Variants in CD33 observed in about 807,000 individuals in gnomAD.
The protein encoded by CD33 is CD33 molecule.
CD33 carries 25 observed loss-of-function variants against 31.4 expected under a neutral mutation model. The ratio of observed to expected loss-of-function variants is 0.80; its 90% CI spans 0.58 to 1.11. The LOEUF (loss-of-function observed/expected upper bound fraction) is 1.11. CD33 is among the 50% of genes most tolerant of loss of function. CD33 has a pLI of 0.00. For missense variants in CD33, 407 were observed against 448.1 expected (o/e 0.91, Z 0.83); for synonymous variants, 176 against 180.6 (o/e 0.97, Z 0.20).
chr19:51,230,703 G>A (rs1013446231), intron 4 of CD33, among the ~76,000 whole-genome samples: 1 of 152,096 alleles, frequency 6.6e-6, no homozygotes, highest in African/African-American at 2.4e-5. Flanking sequence ...TTCCACTTGG[G>A]TAGAATATCT....
intron 4 of CD33, among the ~76,000 whole-genome samples, chr19:51,231,205 C>T (rs1300205859): frequency 1.3e-5 from 2 of 152,230 alleles, no homozygotes; most frequent in East Asian, 1.9e-4. Context: ...ACTTGTCTAT[C>T]CCCACTTCTG....
intron 4 of CD33, among the ~76,000 whole-genome samples, chr19:51,233,419 C>T (rs1222442957): frequency 6.6e-6 from 1 of 152,176 alleles, no homozygotes; most frequent in Non-Finnish European, 1.5e-5. Context: ...AATCCTGGGC[C>T]CAGGCTCCAT....
At chr19:51,236,069 A>G (rs1981782729) in intron 6 of CD33, 1 of 517,658 alleles carries the variant, frequency 1.9e-6, no homozygotes, top group Non-Finnish European at 3.5e-6. Flanking sequence ...GAGGCAGGAG[A>G]ATGGTATGAA....
At chr19:51,230,287 G>A (rs1981314283) in intron 4 of CD33, among the ~76,000 whole-genome samples, 1 of 145,774 alleles carries the variant, frequency 6.9e-6, no homozygotes, top group Admixed American at 7.0e-5. Context: ...TCTAACATAT[G>A]GTCGATCCTT....
chr19:51,225,754 C>T, intron 2 of CD33, 49 bp from the exon 3 acceptor site: 1 of 1,584,698 alleles, frequency 6.3e-7, no homozygotes. Flanking sequence ...CTCAGGCCCT[C>T]ACCTGGACCC....
At chr19:51,238,102 C>T (rs1157872426) in intron 6 of CD33, 1 of 152,122 alleles carries the variant, frequency 6.6e-6, no homozygotes, top group Non-Finnish European at 1.5e-5. Flanking sequence ...CATGGATGTC[C>T]AAGAAGACCC....
intron 6 of CD33, chr19:51,236,975 C>G (rs184502766): frequency 5.9e-5 from 9 of 152,352 alleles, no homozygotes; most frequent in Admixed American, 2.0e-4. Context: ...ATTCCAACAA[C>G]TTGGTCTGGC....
intron 4 of CD33, among the ~76,000 whole-genome samples, chr19:51,228,345 T>A (rs962293138): frequency 6.6e-6 from 1 of 152,238 alleles, no homozygotes; most frequent in African/African-American, 2.4e-5. Context: ...TGTAGATTTC[T>A]TTGGGTAGTA....
intron 4 of CD33, among the ~76,000 whole-genome samples, chr19:51,232,158 A>C (rs541620533): frequency 6.6e-6 from 1 of 152,288 alleles, no homozygotes; most frequent in African/African-American, 2.4e-5. Flanking sequence ...TTCTTTTCTG[A>C]AAGATAGCTT....
rs141721735 is a variant in CD33, at chr19:51,225,501, C to T, written c.321C>T (p.Asp107=). 1.1e-4 allele frequency: 178 copies of T among 1,612,988 alleles called. 3 individuals carry two copies. Among genetic ancestry groups the T allele is most frequent in the Middle Eastern group, 6.6e-4 (4 of 6,056 alleles). Residue 107 remains aspartate, a synonymous_variant, in exon 2 of 7, where the codon GAC becomes GAT. Coordinates refer to ENST00000262262, the MANE Select transcript of CD33 (RefSeq NM_001772.4). ...ACAACTGCTCCCTGAGCATCGTAGA[C>T]GCCAGGAGGAGGGATAATGGTTCAT... ...SRNNCSLSIV[D]ARRRDNGSYF... is the part of the protein sequence containing the mutation.
rs778906989 is a variant in CD33, at chr19:51,235,225, G to A, written c.814G>A (p.Ala272Thr). Residue 272 changes from alanine to threonine, a missense_variant, in exon 5 of 7, where the codon GCT becomes ACT. Ala to Thr is a moderately conservative substitution (Grantham distance 58). Transcript: ENST00000262262. Reference sequence around the variant, plus strand: ...AGGAGCTGGTGTTACAGCCCTGCTCGCTCTTTGTCTCTGCCTCATCTTCTT... The same window carrying A: ...AGGAGCTGGTGTTACAGCCCTGCTCACTCTTTGTCTCTGCCTCATCTTCTT... ...IGGAGVTALL[A>T]LCLCLIFFIV... The A allele has an allele frequency of 5.0e-6, 8 of 1,614,078 alleles. No individual in the cohort carries two copies. In the East Asian group the frequency reaches 6.7e-5, roughly 13 times the overall value.
At chr19:51,233,358 T>G (rs1433554420) in intron 4 of CD33, among the ~76,000 whole-genome samples, 1 of 152,210 alleles carries the variant, frequency 6.6e-6, no homozygotes, top group Non-Finnish European at 1.5e-5. Flanking sequence ...CAGCTGGAAG[T>G]ACGGGCAGCA....
intron 4 of CD33, among the ~76,000 whole-genome samples, chr19:51,228,290 C>T (rs1981173917): frequency 6.6e-6 from 1 of 152,096 alleles, no homozygotes; most frequent in African/African-American, 2.4e-5. Context: ...TCCTCTAATT[C>T]TGTGAAGAAT....
chr19:51,219,363 T>C, the CD33 span, among the ~76,000 whole-genome samples: 1 of 152,240 alleles, frequency 6.6e-6, no homozygotes, highest in Non-Finnish European at 1.5e-5. Context: ...TTTTTGTACA[T>C]TGATTTTGTA....
rs770176670 is a variant in CD33 at position 51,225,792 on chromosome 19, C to T, written c.419-11C>T. ...CCTCCTGATTCTGCATCCCCTCTTT[C>T]TCCTCACTAGACTTGACCCACAGGC... is the stretch of plus-strand genomic sequence containing the variant. On this transcript the variant is annotated splice_polypyrimidine_tract_variant and intron_variant, in intron 2 of 6. Transcript: ENST00000262262. 1 of 1,610,018 alleles carries T rather than the reference C, an allele frequency of 6.2e-7. No homozygotes were observed. Among genetic ancestry groups the T allele is most frequent in the African/African-American group, 1.3e-5 (1 of 74,786 alleles).
intron 6 of CD33, 75 bp from the exon 7 acceptor site, chr19:51,239,443 C>A: frequency 8.8e-7 from 1 of 1,134,524 alleles, no homozygotes; most frequent in Non-Finnish European, 1.2e-6. Flanking sequence ...AAATTTACTT[C>A]ATTGACCCTC....
chr19:51,223,223 A>T (rs1222263861), upstream of CD33, among the ~76,000 whole-genome samples: 1 of 152,192 alleles, frequency 6.6e-6, no homozygotes, highest in Non-Finnish European at 1.5e-5. Context: ...CTGTCTTAAA[A>T]AAAAAAGCAC....
chr19:51,235,948 G>A, intron 6 of CD33: 7 of 695,524 alleles, frequency 1.0e-5, no homozygotes, highest in South Asian at 9.0e-5. Context: ...CACGAGGTCA[G>A]GAGATTGAGA....
upstream of CD33, among the ~76,000 whole-genome samples, chr19:51,222,316 C>A (rs1164528619): frequency 6.6e-6 from 1 of 152,126 alleles, no homozygotes; most frequent in Non-Finnish European, 1.5e-5. Flanking sequence ...AAGTCAAAAC[C>A]ATTTTGGACA....
Sources: gnomAD v4.1 joint callset for allele counts (sites outside exome capture counted in the v4.1 genomes callset) on GRCh38, gnomAD v4.1.1 for gene constraint, MANE v1.5 for transcripts, NCBI Gene and HGNC (gene_info 2026-07-23, HGNC 2026-07-21) for gene names.